The following SCHIP1 variants were observed in gnomAD, a reference collection of about 807,000 sequenced individuals.
The protein encoded by SCHIP1 is schwannomin interacting protein 1.
Under a neutral mutation model 29.7 loss-of-function variants are expected in SCHIP1, and 8 were observed. The ratio of observed to expected loss-of-function variants is 0.27; its 90% CI spans 0.16 to 0.49. SCHIP1 has a LOEUF of 0.49. Ranked by LOEUF, SCHIP1 falls within the 20% of genes least tolerant of loss-of-function variation. The pLI, the probability that SCHIP1 is intolerant of heterozygous loss-of-function variation, is 0.99. For missense variants in SCHIP1, 193 were observed against 294.6 expected, an observed-to-expected ratio of 0.66 and a Z score of 2.52; for synonymous variants, 76 against 94.9, an observed-to-expected ratio of 0.80 and a Z score of 1.16.
chr3:159,698,745 T>G, the SCHIP1 span, among the ~76,000 whole-genome samples: 1 of 152,118 alleles, frequency 6.6e-6, no homozygotes, highest in Non-Finnish European at 1.5e-5. Context: ...TTCAAGCAAT[T>G]CTCGTGCTTC....
the SCHIP1 span, among the ~76,000 whole-genome samples, chr3:159,704,039 C>T: frequency 6.6e-6 from 1 of 152,184 alleles, no homozygotes; most frequent in Non-Finnish European, 1.5e-5. Context: ...ATTTTGTCCA[C>T]TACAGTTGAG....
the SCHIP1 span, among the ~76,000 whole-genome samples, chr3:159,343,405 G>A: frequency 6.6e-6 from 1 of 152,196 alleles, no homozygotes. Context: ...TTTCTTGATC[G>A]TAGGAGTGTA....
At chr3:159,399,635 G>A in the SCHIP1 span, among the ~76,000 whole-genome samples, 1 of 152,110 alleles carries the variant, frequency 6.6e-6, no homozygotes, top group African/African-American at 2.4e-5. Flanking sequence ...TCTTAGAGTA[G>A]TGATTCTCAA....
the SCHIP1 span, among the ~76,000 whole-genome samples, chr3:159,290,401 A>G: frequency 6.6e-6 from 1 of 152,214 alleles, no homozygotes; most frequent in South Asian, 2.1e-4. Flanking sequence ...GAAAATGTTT[A>G]CCTATATGTG....
At chr3:159,769,757 T>A in the SCHIP1 span, among the ~76,000 whole-genome samples, 2,246 of 152,064 alleles carry the variant, frequency 0.015, 24 homozygotes, top group Non-Finnish European at 0.025. Context: ...TCTCAAAAAT[T>A]AAATAAAATA....
chr3:159,475,578 TTTAAA>T, the SCHIP1 span, among the ~76,000 whole-genome samples: 1 of 152,188 alleles, frequency 6.6e-6, no homozygotes, highest in Non-Finnish European at 1.5e-5. Flanking sequence ...TTTTATTGTA[TTTAAA>T]TTATATTCCA....
chr3:159,476,402 C>T, the SCHIP1 span, among the ~76,000 whole-genome samples: 5 of 152,044 alleles, frequency 3.3e-5, no homozygotes, highest in African/African-American at 1.2e-4. Context: ...GTCTTAAATT[C>T]TTCAACTTCA....
At chr3:159,300,379 T>G in the SCHIP1 span, among the ~76,000 whole-genome samples, 15 of 151,992 alleles carry the variant, frequency 9.9e-5, no homozygotes, top group Non-Finnish European at 2.1e-4. Context: ...AGCAGAAATC[T>G]GCATTTTTAA....
chr3:159,737,699 A>G, the SCHIP1 span, among the ~76,000 whole-genome samples: 1 of 152,222 alleles, frequency 6.6e-6, no homozygotes, highest in Non-Finnish European at 1.5e-5. Context: ...TCAAACTCAG[A>G]TTTATGTGAA....
chr3:159,611,935 C>T, the SCHIP1 span, among the ~76,000 whole-genome samples: 1 of 152,032 alleles, frequency 6.6e-6, no homozygotes. Context: ...CTCCCTCTCT[C>T]TTATAAAATT....
intron 6 of SCHIP1, 64 bp from the exon 8 acceptor site, chr3:159,896,659 T>A (rs1391575952): frequency 1.4e-6 from 2 of 1,480,068 alleles, no homozygotes; most frequent in East Asian, 4.9e-5. Flanking sequence ...GCTGTAGCTA[T>A]TGATTGAAAA....
chr3:159,453,981 G>A, the SCHIP1 span, among the ~76,000 whole-genome samples: 1 of 152,186 alleles, frequency 6.6e-6, no homozygotes, highest in Non-Finnish European at 1.5e-5. Context: ...CTGTGTCTAA[G>A]CCCAAGCTAG....
At chr3:159,398,504 T>C in the SCHIP1 span, among the ~76,000 whole-genome samples, 1 of 151,944 alleles carries the variant, frequency 6.6e-6, no homozygotes, top group Non-Finnish European at 1.5e-5. Context: ...AAAAGTAACT[T>C]TAGAAAAGTA....
the SCHIP1 span, among the ~76,000 whole-genome samples, chr3:159,645,589 G>C: frequency 3.3e-5 from 5 of 152,194 alleles, no homozygotes; most frequent in African/African-American, 1.2e-4. Flanking sequence ...GCGTGTATTG[G>C]TATCTCCTCT....
chr3:159,380,510 T>A, the SCHIP1 span, among the ~76,000 whole-genome samples: 1 of 152,224 alleles, frequency 6.6e-6, no homozygotes, highest in African/African-American at 2.4e-5. Flanking sequence ...CTTCCTTATG[T>A]CATTGTTATA....
the SCHIP1 span, among the ~76,000 whole-genome samples, chr3:159,392,689 C>T: frequency 1.3e-5 from 2 of 151,914 alleles, no homozygotes; most frequent in African/African-American, 2.4e-5. Context: ...ATATGTGCCA[C>T]ATTTTCTTAA....
chr3:159,621,797 C>T, the SCHIP1 span, among the ~76,000 whole-genome samples: 1 of 152,246 alleles, frequency 6.6e-6, no homozygotes, highest in East Asian at 1.9e-4. Flanking sequence ...TCCCTAGTAG[C>T]TTGGATTACA....
chr3:159,480,547 G>A, the SCHIP1 span, among the ~76,000 whole-genome samples: 1 of 152,046 alleles, frequency 6.6e-6, no homozygotes. Context: ...GGAATTTTGT[G>A]GGTTTTTCTT....
chr3:159,556,621 A>T, the SCHIP1 span, among the ~76,000 whole-genome samples: 1 of 151,968 alleles, frequency 6.6e-6, no homozygotes, highest in Non-Finnish European at 1.5e-5. Flanking sequence ...CTTTGTAGGG[A>T]CATGGATGAA....
Sources: gnomAD v4.1 joint callset for allele counts (sites outside exome capture counted in the v4.1 genomes callset) on GRCh38, gnomAD v4.1.1 for gene constraint, MANE v1.5 for transcripts, NCBI Gene and HGNC (gene_info 2026-07-23, HGNC 2026-07-21) for gene names.